PTPRQ: variants seen among roughly 807,000 people sequenced by gnomAD.
The protein encoded by PTPRQ is phosphatidylinositol phosphatase PTPRQ.
PTPRQ carries 199 observed loss-of-function variants against 246.0 expected under a neutral mutation model. The observed-to-expected ratio is 0.81, with a 90% CI of 0.72 to 0.91. PTPRQ has a LOEUF of 0.91. Ranked by LOEUF, PTPRQ falls within the 40% of genes least tolerant of loss-of-function variation. The pLI, the probability that PTPRQ is intolerant of heterozygous loss-of-function variation, is 0.00. For missense variants in PTPRQ, 2,624 were observed against 2,528.4 expected (o/e 1.04, Z -0.81); for synonymous variants, 869 against 853.2 (o/e 1.02, Z -0.32).
At position 80,535,171 on chromosome 12, in the gene PTPRQ, T is replaced by C. The variant is rs1342588945; in HGVS notation, c.2985+134T>C. On this transcript the variant is annotated intron_variant, in intron 19 of 44. Transcript: ENST00000644991. ...ACAGATGTATTTTATAAAACTCCCA[T>C]TGACATAGAAAAATGCGGTGTAGAA... The C allele has an allele frequency of 3.2e-5, 28 of 873,604 alleles. No individual in the cohort carries two copies. In the East Asian group the frequency reaches 7.0e-4, roughly 22 times the overall value. The allele number at this position is 873,604 out of a possible 1,614,324, so 54.1% of individuals were successfully genotyped here.
intron 6 of PTPRQ, among the ~76,000 whole-genome samples, chr12:80,461,484 T>A (rs1468394240): frequency 2.6e-5 from 4 of 151,990 alleles, no homozygotes; most frequent in African/African-American, 9.7e-5. Context: ...ATATTTTTGG[T>A]AAGGTATTCA....
At chr12:80,619,255 C>A in intron 30 of PTPRQ, 129 bp from the exon 31 acceptor site, 5 of 1,098,892 alleles carry the variant, frequency 4.6e-6, no homozygotes, top group Non-Finnish European at 5.0e-6. Context: ...AAGCACAATT[C>A]TCTATAATTT....
Position 80,511,342 on chromosome 12 carries a change from C to T in PTPRQ, c.2678+899C>T, listed in dbSNP as rs1476877912. On this transcript the variant is annotated intron_variant, in intron 17 of 44. Coordinates refer to ENST00000644991, the MANE Select transcript of PTPRQ (RefSeq NM_001145026.2). ...CTGATTCCTAGTGACTTTGCCTAGT[C>T]GTGACGAAAGTGGGAGTGTCTTGAC... 2.0e-5 allele frequency among the ~76,000 whole-genome samples: 3 copies of T among 151,984 alleles called. 1 individual carries two copies. The South Asian group carries it at 6.2e-4, about 31-fold the overall frequency.
intron 26 of PTPRQ, among the ~76,000 whole-genome samples, chr12:80,598,557 G>A (rs1898043550): frequency 6.6e-6 from 1 of 151,878 alleles, no homozygotes; most frequent in African/African-American, 2.4e-5. Flanking sequence ...GTGCTAATTT[G>A]TCCAGGTGTG....
intron 17 of PTPRQ, among the ~76,000 whole-genome samples, chr12:80,522,008 TC>T: frequency 6.6e-6 from 1 of 152,336 alleles, no homozygotes; most frequent in African/African-American, 2.4e-5. Context: ...GGGATGTTCT[TC>T]CATTTGTTTG....
chr12:80,494,931 A>G lies in PTPRQ; in HGVS notation c.1541-2A>G. 6.6e-7 allele frequency: 1 copy of G among 1,525,208 alleles called. No homozygotes were observed. The highest frequency in any genetic ancestry group is 8.8e-7 in the Non-Finnish European group (1 of 1,135,006). 94.5% of individuals were successfully genotyped at this position (1,525,208 alleles called of 1,614,324 possible). ...TTTTCTCTTTTTACTGAATTCAAAC[A>G]GTAACTACAAGGAATCAGTATATTA... is the stretch of plus-strand genomic sequence containing the variant. On this transcript the variant is annotated splice_acceptor_variant, in intron 10 of 44. Transcript: ENST00000644991. LOFTEE classifies it high-confidence loss of function.
intron 43 of PTPRQ, among the ~76,000 whole-genome samples, chr12:80,674,978 A>T (rs926266232): frequency 6.6e-5 from 10 of 152,168 alleles, no homozygotes; most frequent in Admixed American, 5.9e-4. Context: ...TATTATCTTT[A>T]ATCCACAGTC....
At chr12:80,576,222 A>C (rs147664503) in intron 25 of PTPRQ, among the ~76,000 whole-genome samples, 1 of 151,866 alleles carries the variant, frequency 6.6e-6, no homozygotes, top group African/African-American at 2.4e-5. Flanking sequence ...GCTCACTGCA[A>C]CCTCCACCTA....
At chr12:80,475,104 G>A (rs1893769343) in intron 8 of PTPRQ, among the ~76,000 whole-genome samples, 1 of 151,978 alleles carries the variant, frequency 6.6e-6, no homozygotes, top group South Asian at 2.1e-4. Context: ...CCTCAATGCT[G>A]TTTGTCTCTA....
intron 17 of PTPRQ, among the ~76,000 whole-genome samples, chr12:80,522,496 G>T (rs1565762068): frequency 1.3e-5 from 2 of 151,966 alleles, no homozygotes; most frequent in South Asian, 4.2e-4. Context: ...ATTGGCTGTG[G>T]GTTTGTCATA....
chr12:80,668,998 T>G lies in PTPRQ; in HGVS notation c.6193-9T>G. On this transcript the variant is annotated splice_polypyrimidine_tract_variant and intron_variant, in intron 39 of 44. Coordinates refer to ENST00000644991, the MANE Select transcript of PTPRQ (RefSeq NM_001145026.2). ...CAGTGATGCAGTGTTTGTAATTATA[T>G]CCTTCTAGGGTTATTTATGTCCAAA... 6.5e-7 allele frequency: 1 copy of G among 1,544,906 alleles called. No individual in the cohort carries two copies. The highest frequency in any genetic ancestry group is 8.7e-7 in the Non-Finnish European group (1 of 1,143,506).
intron 17 of PTPRQ, among the ~76,000 whole-genome samples, chr12:80,529,842 A>G (rs1400266886): frequency 1.3e-5 from 2 of 152,142 alleles, no homozygotes; most frequent in Non-Finnish European, 1.5e-5. Context: ...TAAATTAGAA[A>G]AAGCTTCGAA....
At position 80,534,928 on chromosome 12, in the gene PTPRQ, A is replaced by G. The variant is rs1895943517; in HGVS notation, c.2876A>G (p.Asn959Ser). 3.2e-6 allele frequency: 5 copies of G among 1,550,076 alleles called. No individual in the cohort carries two copies. The East Asian group carries it at 1.2e-4, about 38-fold the overall frequency. Residue 959 changes from asparagine to serine, a missense_variant, in exon 19 of 45, where the codon AAC becomes AGC. By Grantham distance (46) the Asn-to-Ser change is conservative. Transcript: ENST00000644991. ...SDPPKDVYYA[N>S]LSSSSIILFW... ...CCTCCCAAAGATGTTTATTATGCAA[A>G]CCTCAGTTCTTCATCAATAATTCTT... is the stretch of plus-strand genomic sequence containing the variant.
intron 17 of PTPRQ, among the ~76,000 whole-genome samples, chr12:80,514,402 A>ACACACACACACACACACACTCTCTCT (rs552667526): frequency 2.8e-4 from 32 of 113,020 alleles, no homozygotes; most frequent in East Asian, 6.2e-4. Context: ...ACACACACAC[A>ACACACACACACACACACACTCTCTCT]CTCTCTCTCT....
chr12:80,471,142 G>A (rs969861177), intron 7 of PTPRQ, among the ~76,000 whole-genome samples: 17 of 152,116 alleles, frequency 1.1e-4, no homozygotes, highest in Non-Finnish European at 2.2e-4. Context: ...AGTATTTAAA[G>A]CTGTGGGCTT....
In PTPRQ at chr12:80,588,327, A is replaced by G. The variant is rs1414733891; in HGVS notation, c.4484A>G (p.His1495Arg). Residue 1495 changes from histidine to arginine, a missense_variant, in exon 26 of 45, where the codon CAC (histidine) becomes CGC (arginine). His to Arg is a conservative substitution (Grantham distance 29). Coordinates refer to ENST00000644991, the MANE Select transcript of PTPRQ (RefSeq NM_001145026.2). ...AAAATTCAATACCTCTATGAAGCTCACTTAACTGAAGAGACAGTATATGGA... is the reference window on the plus strand; with the variant it reads ...AAAATTCAATACCTCTATGAAGCTCGCTTAACTGAAGAGACAGTATATGGA... ...YQKIQYLYEA[H>R]LTEETVYGLK... is the part of the protein sequence containing the mutation. 6.4e-7 allele frequency: 1 copy of G among 1,551,432 alleles called. No homozygotes were observed. The highest frequency in any genetic ancestry group is 8.7e-7 in the Non-Finnish European group (1 of 1,146,910).
intron 30 of PTPRQ, among the ~76,000 whole-genome samples, chr12:80,617,113 G>T (rs907412683): frequency 4.0e-5 from 6 of 151,026 alleles, no homozygotes; most frequent in African/African-American, 1.5e-4. Context: ...CTGGGTTTAG[G>T]GTCAAACTGC....
At chr12:80,447,919 G>A (rs920279076) in intron 3 of PTPRQ, among the ~76,000 whole-genome samples, 2 of 151,884 alleles carry the variant, frequency 1.3e-5, no homozygotes, top group South Asian at 2.1e-4. Context: ...TAGGATTGCT[G>A]TTCTAATTCT....
intron 8 of PTPRQ, among the ~76,000 whole-genome samples, chr12:80,473,055 A>ACG (rs1555185253): frequency 4.0e-5 from 6 of 150,558 alleles, no homozygotes; most frequent in African/African-American, 1.5e-4. Flanking sequence ...ACGCACACAC[A>ACG]CACACACACA....
Sources: allele counts gnomAD v4.1 joint callset (sites outside exome capture counted in the v4.1 genomes callset), GRCh38; gene constraint gnomAD v4.1.1; transcripts MANE v1.5; gene names NCBI Gene and HGNC (gene_info 2026-07-23, HGNC 2026-07-21).